Variants in NEGR1 observed in about 807,000 individuals in gnomAD.
NEGR1 encodes the protein IgLON family member 4.
In NEGR1, 10 loss-of-function variants were observed where a neutral mutation model predicts 40.9. That is an observed-to-expected ratio of 0.24 (90% CI 0.15 to 0.42). The LOEUF (loss-of-function observed/expected upper bound fraction) is 0.42. NEGR1 is among the 10% of genes least tolerant of loss of function. The probability of loss-of-function intolerance (pLI) is 1.00; values close to 1 mark genes in which losing one functional copy is unlikely to be tolerated. For missense variants in NEGR1, 352 were observed against 438.9 expected, an observed-to-expected ratio of 0.80 and a Z score of 1.77; for synonymous variants, 185 against 166.8, an observed-to-expected ratio of 1.11 and a Z score of -0.84.
chr1:72,108,712 C>T (rs1254546823), intron 1 of NEGR1, among the ~76,000 whole-genome samples: 1 of 151,476 alleles, frequency 6.6e-6, no homozygotes, highest in African/African-American at 2.4e-5. Flanking sequence ...AATCAGATAT[C>T]TTGACCTCCT....
intron 1 of NEGR1, among the ~76,000 whole-genome samples, chr1:72,113,107 C>T (rs1198995538): frequency 6.6e-6 from 1 of 151,668 alleles, no homozygotes; most frequent in Non-Finnish European, 1.5e-5. Context: ...AAGAGTCCAA[C>T]CTGACACATA....
chr1:72,033,034 T>TA (rs757596520), intron 1 of NEGR1, among the ~76,000 whole-genome samples: 65 of 152,042 alleles, frequency 4.3e-4, no homozygotes, highest in Non-Finnish European at 7.6e-4. Context: ...TTCTAGAAAT[T>TA]AAAAAAACTG....
At chr1:71,669,945 C>T (rs1557606433) in intron 4 of NEGR1, among the ~76,000 whole-genome samples, 1 of 152,170 alleles carries the variant, frequency 6.6e-6, no homozygotes, top group Non-Finnish European at 1.5e-5. Context: ...CCGCACCTGG[C>T]CAATCCTAGG....
At chr1:71,853,402 A>T (rs1376885824) in intron 2 of NEGR1, among the ~76,000 whole-genome samples, 1 of 152,112 alleles carries the variant, frequency 6.6e-6, no homozygotes, top group Non-Finnish European at 1.5e-5. Context: ...CTTAATAATT[A>T]TGCGATTTAT....
intron 1 of NEGR1, among the ~76,000 whole-genome samples, chr1:72,098,674 A>G (rs1434586555): frequency 6.6e-6 from 1 of 152,172 alleles, no homozygotes; most frequent in Non-Finnish European, 1.5e-5. Context: ...ATCTACAAAG[A>G]ATCTCTGAAC....
chr1:72,034,569 T>TCC (rs1474683447), intron 1 of NEGR1, among the ~76,000 whole-genome samples: 1 of 152,046 alleles, frequency 6.6e-6, no homozygotes, highest in East Asian at 1.9e-4. Flanking sequence ...ATAAAGCAGG[T>TCC]AAAAAAATAT....
At chr1:71,851,157 C>T (rs1403125824) in intron 2 of NEGR1, among the ~76,000 whole-genome samples, 6 of 152,110 alleles carry the variant, frequency 3.9e-5, no homozygotes, top group Non-Finnish European at 7.3e-5. Flanking sequence ...CCACACAACG[C>T]AGCAGAATAC....
At chr1:71,857,404 G>A (rs1395159951) in intron 2 of NEGR1, among the ~76,000 whole-genome samples, 1 of 144,274 alleles carries the variant, frequency 6.9e-6, no homozygotes, top group Non-Finnish European at 1.5e-5. Context: ...TTGAGCTCAG[G>A]AGTTTGAGAC....
chr1:71,960,181 C>A (rs1245276498), intron 1 of NEGR1, among the ~76,000 whole-genome samples: 1 of 152,034 alleles, frequency 6.6e-6, no homozygotes, highest in Non-Finnish European at 1.5e-5. Context: ...CAAACATAGC[C>A]TACTTATTGG....
In NEGR1 at chr1:71,581,635, T is replaced by C. The variant is rs564831934; in HGVS notation, c.940+11182A>G. ...AGAATCTGTGAGAAGCAACTGACTATATGGAATTTACAATAAAGATAATTG... is the reference window on the plus strand; with the variant it reads ...AGAATCTGTGAGAAGCAACTGACTACATGGAATTTACAATAAAGATAATTG... On this transcript the variant is annotated intron_variant, in intron 6 of 6. Transcript: ENST00000357731. 4.6e-5 allele frequency among the ~76,000 whole-genome samples: 7 copies of C among 152,202 alleles called. No individual in the cohort carries two copies. In the South Asian group the frequency reaches 6.2e-4, roughly 13 times the overall value.
intron 3 of NEGR1, among the ~76,000 whole-genome samples, chr1:71,734,527 C>T (rs1654986548): frequency 6.6e-6 from 1 of 152,070 alleles, no homozygotes; most frequent in Admixed American, 6.6e-5. Flanking sequence ...TTTCTTTCTC[C>T]TATGTTAATA....
At chr1:71,568,957 G>A (rs999647667) in intron 6 of NEGR1, among the ~76,000 whole-genome samples, 5 of 146,580 alleles carry the variant, frequency 3.4e-5, no homozygotes, top group African/African-American at 5.0e-5. Flanking sequence ...TCGCTTCATC[G>A]CCAGGCAGGA....
At position 71,654,440 on chromosome 1, in the gene NEGR1, G is replaced by T. The variant is rs1490320109; in HGVS notation, c.668-43294C>A. Among the ~76,000 whole-genome samples the T allele has an allele frequency of 2.6e-5, 4 of 152,098 alleles. No homozygotes were observed. The East Asian group carries it at 7.7e-4, about 29-fold the overall frequency. On this transcript the variant is annotated intron_variant, in intron 4 of 6. Transcript: ENST00000357731. ...AAGCTAGGGGTTGGAAGTAGAGGGA[G>T]CATATGAAGACTCTGTATACTTCTT...
intron 2 of NEGR1, among the ~76,000 whole-genome samples, chr1:71,921,499 G>A (rs1323762994): frequency 1.3e-5 from 2 of 151,988 alleles, no homozygotes; most frequent in Middle Eastern, 3.4e-3. Context: ...ATGTGAAGAT[G>A]AGCATAAAGA....
At chr1:71,901,543 G>C (rs564951815) in intron 2 of NEGR1, among the ~76,000 whole-genome samples, 17 of 151,988 alleles carry the variant, frequency 1.1e-4, no homozygotes, top group Non-Finnish European at 2.9e-5. Context: ...AATTGGCTTA[G>C]AGAAGATAAA....
At chr1:71,686,132 T>G (rs1653029179) in intron 4 of NEGR1, among the ~76,000 whole-genome samples, 1 of 152,190 alleles carries the variant, frequency 6.6e-6, no homozygotes. Context: ...ATCTCTCTAC[T>G]CTTCTCAGGA....
At chr1:71,734,347 C>T (rs2101668020) in intron 3 of NEGR1, among the ~76,000 whole-genome samples, 1 of 152,290 alleles carries the variant, frequency 6.6e-6, no homozygotes. Context: ...CTTAAGCAAG[C>T]TTCAGTCTCC....
At chr1:71,901,178 T>A (rs1275670557) in intron 2 of NEGR1, among the ~76,000 whole-genome samples, 1 of 152,188 alleles carries the variant, frequency 6.6e-6, no homozygotes, top group Non-Finnish European at 1.5e-5. Flanking sequence ...TAAAGTATGA[T>A]AATGAGGTTT....
chr1:71,729,316 C>G (rs1385845764), intron 3 of NEGR1, among the ~76,000 whole-genome samples: 1 of 152,180 alleles, frequency 6.6e-6, no homozygotes, highest in Non-Finnish European at 1.5e-5. Context: ...CTTGCCCTAT[C>G]ATTCCCAATC....
Sources: gnomAD v4.1 joint callset for allele counts (sites outside exome capture counted in the v4.1 genomes callset) on GRCh38, gnomAD v4.1.1 for gene constraint, MANE v1.5 for transcripts, NCBI Gene and HGNC (gene_info 2026-07-23, HGNC 2026-07-21) for gene names.